Variants in CHMP3 observed in about 807,000 individuals in gnomAD.
CHMP3 encodes the protein charged multivesicular body protein 3.
A neutral mutation model predicts 27.4 loss-of-function variants in CHMP3; 8 were observed. That is an observed-to-expected ratio of 0.29 (90% CI 0.17 to 0.53). CHMP3 has a LOEUF of 0.53. CHMP3 is among the 20% of genes least tolerant of loss of function. The pLI is 0.96. For synonymous variants in CHMP3, 86 were observed against 85.5 expected, an observed-to-expected ratio of 1.01 and a Z score of -0.03; for missense variants, 208 against 271.5, an observed-to-expected ratio of 0.77 and a Z score of 1.64.
rs1179687187 is a variant in CHMP3, at chr2:86,563,304, C to T, written c.45G>A (p.Leu15=). The stretch of plus-strand genomic sequence containing the variant: ...TATCTGCCGCCGCCGTAGCCCTTAC[C>T]AGTTCTTTGGGCGGCTTCTCCTGGG... ...GKTQEKPPKE[L]VNEWSLKIRK... is the part of the protein sequence containing the mutation. Residue 15 remains leucine, a splice_region_variant and synonymous_variant, in exon 1 of 6, where the codon CTG becomes CTA. Coordinates refer to ENST00000263856, the MANE Select transcript of CHMP3 (RefSeq NM_016079.4). 6.2e-7 allele frequency: 1 copy of T among 1,613,962 alleles called. No individual in the cohort carries two copies. The highest frequency in any genetic ancestry group is 8.5e-7 in the Non-Finnish European group (1 of 1,179,936).
intron 1 of CHMP3, chr2:86,561,609 AT>A (rs1677371705): frequency 6.6e-6 from 1 of 152,088 alleles, no homozygotes; most frequent in African/African-American, 2.4e-5. Flanking sequence ...AACAACTAAA[AT>A]TTTTTATTCA....
chr2:86,546,147 G>A (rs541577619), intron 1 of CHMP3, among the ~76,000 whole-genome samples: 1 of 152,326 alleles, frequency 6.6e-6, no homozygotes, highest in African/African-American at 2.4e-5. Flanking sequence ...GATCACTCGA[G>A]GTCAGGAGCT....
At chr2:86,539,791 T>G (rs990384026) in intron 2 of CHMP3, among the ~76,000 whole-genome samples, 1 of 152,118 alleles carries the variant, frequency 6.6e-6, no homozygotes, top group Non-Finnish European at 1.5e-5. Flanking sequence ...TTTACTTACA[T>G]ATTTACCATT....
In CHMP3 at chr2:86,505,928, C is replaced by T; in HGVS notation, c.545G>A (p.Ser182Asn). The change falls in exon 6 of 6, where the codon AGT (serine) becomes AAT (asparagine). Residue 182 changes from serine to asparagine, a missense_variant. Coordinates refer to ENST00000263856, the MANE Select transcript of CHMP3 (RefSeq NM_016079.4). ...ITAGALGKAP[S>N]KVTDALPEPE... ...CTCTGGAAGGGCATCAGTCACTTTA[C>T]TGGGTGCTTTGCCCAAGGCCCCTGA... is the stretch of plus-strand genomic sequence containing the variant. 1 of 1,579,282 alleles carries T rather than the reference C, an allele frequency of 6.3e-7. No homozygotes were observed. The highest frequency in any genetic ancestry group is 8.6e-7 in the Non-Finnish European group (1 of 1,160,270).
chr2:86,552,656 G>T (rs1676955538), intron 1 of CHMP3, among the ~76,000 whole-genome samples: 1 of 152,314 alleles, frequency 6.6e-6, no homozygotes, highest in South Asian at 2.1e-4. Flanking sequence ...AAAGTTATTA[G>T]CATCATTAAT....
intron 1 of CHMP3, among the ~76,000 whole-genome samples, chr2:86,543,484 T>C (rs1302289452): frequency 2.0e-5 from 3 of 152,218 alleles, no homozygotes; most frequent in Non-Finnish European, 4.4e-5. Context: ...TCAAAGGCAC[T>C]GCAATCTTAC....
chr2:86,548,639 C>G (rs1222625989), intron 1 of CHMP3, among the ~76,000 whole-genome samples: 2 of 152,122 alleles, frequency 1.3e-5, no homozygotes, highest in African/African-American at 4.8e-5. Flanking sequence ...CCCCACATTT[C>G]CCCCTTTTCT....
In CHMP3 at chr2:86,510,475, G is replaced by T; in HGVS notation, c.291C>A (p.Val97=). 2 of 1,612,392 alleles carry T rather than the reference G, an allele frequency of 1.2e-6. No homozygotes were observed. Among genetic ancestry groups the T allele is most frequent in the Non-Finnish European group, 8.5e-7 (1 of 1,180,012 alleles). The change falls in exon 4 of 6, where the codon GTC becomes GTA. Residue 97 remains valine (V), a synonymous_variant. Coordinates refer to ENST00000263856, the MANE Select transcript of CHMP3 (RefSeq NM_016079.4). ...TCTGCAGGGAACCAGCCACTCGCAAGACCGCTGAAAGAGAATGTGTACAGT... is the reference window on the plus strand; with the variant it reads ...TCTGCAGGGAACCAGCCACTCGCAATACCGCTGAAAGAGAATGTGTACAGT... The part of the protein sequence containing the change: ...VLMGMKNQLA[V]LRVAGSLQKS...
Position 86,510,384 on chromosome 2 carries a change from T to A in CHMP3, c.382A>T (p.Arg128Trp). 1 of 1,586,070 alleles carries A rather than the reference T, an allele frequency of 6.3e-7. No individual in the cohort carries two copies. Among genetic ancestry groups the A allele is most frequent in the Non-Finnish European group, 8.6e-7 (1 of 1,161,488 alleles). ...VKIPEIQATMRELSKEMMKAG... is the reference protein window; with the variant it reads ...VKIPEIQATMWELSKEMMKAG... ...TTCATCATTTCTTTGGACAACTCCCTCATGGTGGCCTGAATCTCTGGAATC... is the reference window on the plus strand; with the variant it reads ...TTCATCATTTCTTTGGACAACTCCCACATGGTGGCCTGAATCTCTGGAATC... The change falls in exon 4 of 6, where the codon AGG becomes TGG. Residue 128 changes from arginine (R) to tryptophan (W), a missense_variant. Around this residue, in one of 3 missense-constraint regions of CHMP3, gnomAD observed 94 missense variants for 159.6 expected, o/e 0.59. Transcript: ENST00000263856.
chr2:86,525,608 T>C (rs551297299), intron 3 of CHMP3, among the ~76,000 whole-genome samples: 2 of 151,988 alleles, frequency 1.3e-5, no homozygotes, highest in East Asian at 1.9e-4. Flanking sequence ...ACACAGTAAG[T>C]TGGGTTTTGC....
At chr2:86,536,359 A>G (rs1676141823) in intron 2 of CHMP3, among the ~76,000 whole-genome samples, 1 of 152,090 alleles carries the variant, frequency 6.6e-6, no homozygotes, top group Non-Finnish European at 1.5e-5. Flanking sequence ...TTCATACATC[A>G]TCAAGTTACT....
chr2:86,529,198 TA>T lies in CHMP3; in HGVS notation c.286+19del, dbSNP rs749746335. 7.0e-6 allele frequency: 11 copies of T among 1,575,578 alleles called. No homozygotes were observed. Among genetic ancestry groups the T allele is most frequent in the South Asian group, 1.2e-5 (1 of 84,806 alleles). On this transcript the variant is annotated intron_variant, in intron 3 of 5. Coordinates refer to ENST00000263856, the MANE Select transcript of CHMP3 (RefSeq NM_016079.4). Reference sequence around the variant, plus strand: ...CAACCCCGGCATTATGAGGTGACTGTAAGGTAAGTGCAGCCTTACCGAGCTG... The same window carrying T: ...CAACCCCGGCATTATGAGGTGACTGTAGGTAAGTGCAGCCTTACCGAGCTG...
chr2:86,530,779 TCTCA>T (rs1194089659), intron 2 of CHMP3, among the ~76,000 whole-genome samples: 1 of 152,220 alleles, frequency 6.6e-6, no homozygotes, highest in South Asian at 2.1e-4. Flanking sequence ...CATTTTACAT[TCTCA>T]CTAACAGTAT....
At chr2:86,554,816 CGTGTGT>C (rs70956121) in intron 1 of CHMP3, among the ~76,000 whole-genome samples, 54 of 145,440 alleles carry the variant, frequency 3.7e-4, no homozygotes, top group African/African-American at 5.2e-4. Flanking sequence ...TGTGTGCGCG[CGTGTGT>C]GTGTGTGTGT....
chr2:86,505,773 G>C lies in CHMP3; in HGVS notation c.*31C>G. On this transcript the variant is annotated 3_prime_UTR_variant, in exon 6 of 6. Transcript: ENST00000263856. ...CATAAAATGGCAGCTCTTGAGAGGA[G>C]TGTGTGCACACCCAGCGGGGTAGGC... 1 of 1,518,168 alleles carries C rather than the reference G, an allele frequency of 6.6e-7. No homozygotes were observed. The highest frequency in any genetic ancestry group is 8.9e-7 in the Non-Finnish European group (1 of 1,128,302). The allele number at this position is 1,518,168 out of a possible 1,614,324, so 94.0% of individuals were successfully genotyped here.
Position 86,504,576 on chromosome 2 carries a change from T to C in CHMP3, c.*1228A>G, listed in dbSNP as rs1043021031. 1 of 144,456 alleles carries C rather than the reference T, an allele frequency of 6.9e-6. No homozygotes were observed. The allele number at this position is 144,456 out of a possible 1,614,324, so 8.9% of individuals were successfully genotyped here. A position where few individuals can be genotyped will look rare whatever the true frequency, so the allele number is the denominator to read the frequency against. On this transcript the variant is annotated 3_prime_UTR_variant, in exon 6 of 6. Coordinates refer to ENST00000263856, the MANE Select transcript of CHMP3 (RefSeq NM_016079.4). ...TGCCCAGGCTGGTCTTGAACTCCTA[T>C]TCTCAAGAGAGCCTCCTGCCTCAGC...
intron 3 of CHMP3, chr2:86,527,102 C>G (rs1675743961): frequency 6.6e-6 from 1 of 151,626 alleles, no homozygotes; most frequent in South Asian, 2.1e-4. Context: ...GCAAATACAA[C>G]AAAACGTTAA....
At chr2:86,515,148 G>GTGCCA (rs1254435383) in intron 3 of CHMP3, 7 of 151,804 alleles carry the variant, frequency 4.6e-5, no homozygotes, top group Non-Finnish European at 1.0e-4. Flanking sequence ...TCAGTGTGGA[G>GTGCCA]TGCCAGTCCC....
At chr2:86,552,594 A>G (rs1319601794) in intron 1 of CHMP3, among the ~76,000 whole-genome samples, 1 of 152,232 alleles carries the variant, frequency 6.6e-6, no homozygotes, top group Non-Finnish European at 1.5e-5. Flanking sequence ...CTAGCATAAA[A>G]AGGAAAACAT....
Sources: gnomAD v4.1 joint callset for allele counts (sites outside exome capture counted in the v4.1 genomes callset) on GRCh38, gnomAD v4.1.1 for gene constraint, gnomAD v4.1.1 regional missense constraint, MANE v1.5 for transcripts, NCBI Gene and HGNC (gene_info 2026-07-23, HGNC 2026-07-21) for gene names.